The following CTSD variants were observed in gnomAD, a reference collection of about 807,000 sequenced individuals.
CTSD encodes the protein cathepsin D.
In CTSD, 28 loss-of-function variants were observed where a neutral mutation model predicts 43.6. That is an observed-to-expected ratio of 0.64 (90% confidence interval 0.48 to 0.88). CTSD has a LOEUF of 0.88. CTSD is among the 40% of genes least tolerant of loss of function. The pLI, the probability that CTSD is intolerant of heterozygous loss-of-function variation, is 0.00. For synonymous variants in CTSD, 270 were observed against 249.8 expected (o/e 1.08, Z -0.76); for missense variants, 485 against 555.2 (o/e 0.87, Z 1.27).
chr11:1,763,229 C>T (rs1845905263), intron 1 of CTSD, among the ~76,000 whole-genome samples: 1 of 152,144 alleles, frequency 6.6e-6, no homozygotes, highest in Non-Finnish European at 1.5e-5. Context: ...GGTGGGTGAG[C>T]CGACCCACTC....
In CTSD at chr11:1,753,872, G is replaced by A. The variant is rs1294081859; in HGVS notation, c.1002C>T (p.Thr334=). Reference sequence around the variant, plus strand: ...CCAGCTTCAGTGTGATCGCGGGCAGGGTGGACACCTTCTCACAGGGGATCA... The same window carrying A: ...CCAGCTTCAGTGTGATCGCGGGCAGAGTGGACACCTTCTCACAGGGGATCA... ...EYMIPCEKVS[T]LPAITLKLGG... Residue 334 remains threonine (T), a synonymous_variant, in exon 8 of 9, where the codon ACC becomes ACT. Coordinates refer to ENST00000236671, the MANE Select transcript of CTSD (RefSeq NM_001909.5). The A allele has an allele frequency of 3.1e-6, 5 of 1,613,594 alleles. No individual in the cohort carries two copies. The highest frequency in any genetic ancestry group is 3.4e-6 in the Non-Finnish European group (4 of 1,179,686).
At chr11:1,754,363 G>GATGGAGGGATGGAGGGGC in intron 6 of CTSD, 1 of 572,762 alleles carries the variant, frequency 1.7e-6, no homozygotes, top group Non-Finnish European at 3.1e-6. Context: ...GGCATGGAGG[G>GATGGAGGGATGGAGGGGC]ATGGAGGGGA....
In CTSD at chr11:1,759,579, C is replaced by T. The variant is rs754680487; in HGVS notation, c.289G>A (p.Asp97Asn). 2.5e-6 allele frequency: 4 copies of T among 1,613,578 alleles called. No individual in the cohort carries two copies. Among genetic ancestry groups the T allele is most frequent in the South Asian group, 1.1e-5 (1 of 91,082 alleles). The change falls in exon 3 of 9, where the codon GAC becomes AAC. Residue 97 changes from aspartate to asparagine, a missense_variant. Coordinates refer to ENST00000236671, the MANE Select transcript of CTSD (RefSeq NM_001909.5). The part of the protein sequence containing the change: ...TPPQCFTVVF[D>N]TGSSNLWVPS... ...ACCCACAGGTTGGAGGAGCCCGTGTCGAAGACGACTGTGAAGCACTGGGGG... is the reference window on the plus strand; with the variant it reads ...ACCCACAGGTTGGAGGAGCCCGTGTTGAAGACGACTGTGAAGCACTGGGGG...
Position 1,753,906 on chromosome 11 carries a change from G to C in CTSD, c.973-5C>G. On this transcript the variant is annotated splice_region_variant and splice_polypyrimidine_tract_variant and intron_variant, in intron 7 of 8. Transcript: ENST00000236671. ...CTTCTCACAGGGGATCATGTACTAA[G>C]AGGGGTCACAGCAGTGTCAGGGTGG... 1 of 1,613,242 alleles carries C rather than the reference G, an allele frequency of 6.2e-7. No individual in the cohort carries two copies.
rs1176741600 is a variant in CTSD, at chr11:1,753,303, G to C, written c.*200C>G. On this transcript the variant is annotated 3_prime_UTR_variant, in exon 9 of 9. Coordinates refer to ENST00000236671, the MANE Select transcript of CTSD (RefSeq NM_001909.5). ...CACCAAACAGATGGAGAGACAGACA[G>C]GCAGGCAGCATTTCTGAACCCAGGG... 7.7e-6 allele frequency: 5 copies of C among 649,200 alleles called. No individual in the cohort carries two copies. The highest frequency in any genetic ancestry group is 1.1e-5 in the Non-Finnish European group (4 of 362,044). 40.2% of individuals were successfully genotyped at this position (649,200 alleles called of 1,614,324 possible). A position where few individuals can be genotyped will look rare whatever the true frequency, so the allele number is the denominator to read the frequency against.
intron 7 of CTSD, 25 bp from the exon 8 acceptor site, chr11:1,753,926 G>A (rs775489819): frequency 6.2e-7 from 1 of 1,612,464 alleles, no homozygotes; most frequent in African/African-American, 1.3e-5. Context: ...AGCAGTGTCA[G>A]GGTGGTAGTG....
chr11:1,756,700 C>G (rs1195892445), intron 5 of CTSD, among the ~76,000 whole-genome samples: 1 of 152,166 alleles, frequency 6.6e-6, no homozygotes, highest in Non-Finnish European at 1.5e-5. Context: ...CGTCCCCTTC[C>G]CAAGGTCACC....
rs1464042534 is a variant in CTSD at position 1,753,183 on chromosome 11, G to C, written c.*320C>G. 1 of 420,186 alleles carries C rather than the reference G, an allele frequency of 2.4e-6. No individual in the cohort carries two copies. Among genetic ancestry groups the C allele is most frequent in the East Asian group, 5.2e-5 (1 of 19,322 alleles). 26.0% of individuals were successfully genotyped at this position (420,186 alleles called of 1,614,324 possible). The stretch of plus-strand genomic sequence containing the variant: ...GCCGGGGAGGGGACTCCCTGGAGAT[G>C]AAGGGAGCCCCAGGATACACGAGCT... On this transcript the variant is annotated 3_prime_UTR_variant, in exon 9 of 9. Coordinates refer to ENST00000236671, the MANE Select transcript of CTSD (RefSeq NM_001909.5).
intron 4 of CTSD, chr11:1,757,840 C>T (rs112554523): frequency 1.6e-5 from 8 of 501,696 alleles, no homozygotes; most frequent in African/African-American, 1.2e-4. Flanking sequence ...CTCCCTGCTC[C>T]GACCTCTTAC....
intron 5 of CTSD, chr11:1,755,417 G>C (rs76150308): frequency 0.12 from 39,322 of 340,434 alleles, 2,701 homozygotes; most frequent in Middle Eastern, 0.17. Flanking sequence ...CCAGGAGGGA[G>C]TGATGGCACA....
intron 5 of CTSD, 92 bp downstream of exon 5, chr11:1,757,232 G>C: frequency 1.9e-6 from 2 of 1,044,568 alleles, no homozygotes; most frequent in South Asian, 1.3e-5. Context: ...GCAGGGAGGG[G>C]GCAGCACTGA....
intron 1 of CTSD, chr11:1,762,151 G>A: frequency 6.3e-6 from 1 of 159,974 alleles, no homozygotes; most frequent in Non-Finnish European, 1.4e-5. Context: ...ACTCCATGCG[G>A]CTCCACGAGG....
intron 4 of CTSD, chr11:1,757,970 T>A (rs1216716401): frequency 6.7e-6 from 2 of 299,156 alleles, no homozygotes; most frequent in African/African-American, 4.4e-5. Flanking sequence ...CTCACAGCCA[T>A]ACTGCCCCCT....
chr11:1,761,745 C>A, intron 1 of CTSD: 1 of 529,216 alleles, frequency 1.9e-6, no homozygotes, highest in Non-Finnish European at 3.4e-6. Flanking sequence ...GGCCAGTGTG[C>A]CCAACCCTCC....
rs376354665 is a variant in CTSD, at chr11:1,761,291, C to A, written c.228+18G>T. ...GACAGTGGCTCCGCTTGCAGCAGGGCTAAGACCTCATACTCACGTCCATGT... is the reference window on the plus strand; with the variant it reads ...GACAGTGGCTCCGCTTGCAGCAGGGATAAGACCTCATACTCACGTCCATGT... On this transcript the variant is annotated intron_variant, in intron 2 of 8. Coordinates refer to ENST00000236671, the MANE Select transcript of CTSD (RefSeq NM_001909.5). The A allele has an allele frequency of 1.4e-4, 230 of 1,613,346 alleles. No individual in the cohort carries two copies. Among genetic ancestry groups the A allele is most frequent in the Non-Finnish European group, 1.4e-4 (164 of 1,179,920 alleles).
intron 5 of CTSD, 192 bp from the exon 6 acceptor site, chr11:1,755,220 T>C: frequency 1.4e-6 from 1 of 696,122 alleles, no homozygotes. Flanking sequence ...GTAGGGCTGC[T>C]CTGCGTGGGC....
In CTSD at chr11:1,753,667, A is replaced by C. The variant is rs1202598143; in HGVS notation, c.1075T>G (p.Ser359Ala). Reference protein sequence around the residue: ...LSPEDYTLKVSQAGKTLCLSG... With the variant: ...LSPEDYTLKVAQAGKTLCLSG... The stretch of plus-strand genomic sequence containing the variant: ...AGGCAGAGGGTCTTCCCGGCCTGCG[A>C]CACCTGGGACGGCCCTGGTGGTCAG... Residue 359 changes from serine to alanine, a missense_variant, in exon 9 of 9, where the codon TCG becomes GCG. Transcript: ENST00000236671. 1 of 1,612,650 alleles carries C rather than the reference A, an allele frequency of 6.2e-7. No individual in the cohort carries two copies. The highest frequency in any genetic ancestry group is 1.7e-5 in the Admixed American group (1 of 60,000).
rs554006849 is a variant in CTSD at position 1,759,422 on chromosome 11, A to C, written c.352+94T>G. On this transcript the variant is annotated intron_variant, in intron 3 of 8. Coordinates refer to ENST00000236671, the MANE Select transcript of CTSD (RefSeq NM_001909.5). ...CTGGCTCACGGGGCCAAGAGGCAGGAGAATTGCGTTGCCCAAGTGATTCCT... is the reference window on the plus strand; with the variant it reads ...CTGGCTCACGGGGCCAAGAGGCAGGCGAATTGCGTTGCCCAAGTGATTCCT... 3.2e-6 allele frequency: 5 copies of C among 1,563,598 alleles called. No individual in the cohort carries two copies. The African/African-American group carries it at 4.0e-5, about 13-fold the overall frequency.
In CTSD at chr11:1,763,056, G is replaced by A. The variant is rs1267308394; in HGVS notation, c.68+736C>T. The stretch of plus-strand genomic sequence containing the variant: ...AATGCGGGCTGCCTTGCAAGGGCTG[G>A]GGAGGGGGTCAAGAAAGCAGACTGC... On this transcript the variant is annotated intron_variant, in intron 1 of 8. Transcript: ENST00000236671. The A allele has an allele frequency of 2.6e-5, 4 of 152,466 alleles. No homozygotes were observed. In the East Asian group the frequency reaches 5.8e-4, roughly 22 times the overall value. 9.4% of individuals were successfully genotyped at this position (152,466 alleles called of 1,614,324 possible).
Sources: allele counts gnomAD v4.1 joint callset (sites outside exome capture counted in the v4.1 genomes callset), GRCh38; gene constraint gnomAD v4.1.1; transcripts MANE v1.5; gene names NCBI Gene and HGNC (gene_info 2026-07-23, HGNC 2026-07-21).